Variants in ME3 observed in about 807,000 individuals in gnomAD.
The protein encoded by ME3 is NADP-dependent malic enzyme, mitochondrial.
Under a neutral mutation model 68.9 loss-of-function variants are expected in ME3, and 48 were observed. That is an observed-to-expected ratio of 0.70 (90% CI 0.55 to 0.89). The LOEUF is 0.89. Ranked by LOEUF, ME3 falls within the 40% of genes least tolerant of loss-of-function variation. The pLI is 0.00. For missense variants in ME3, 675 were observed against 797.4 expected, an observed-to-expected ratio of 0.85 and a Z score of 1.85; for synonymous variants, 320 against 318.8, an observed-to-expected ratio of 1.00 and a Z score of -0.04.
chr11:86,642,290 T>A (rs981862868), intron 2 of ME3, among the ~76,000 whole-genome samples: 1 of 152,234 alleles, frequency 6.6e-6, no homozygotes, highest in Admixed American at 6.5e-5. Context: ...CTTGAGCCCT[T>A]ACAGGTGTGA....
chr11:86,532,669 G>T (rs766803836), intron 4 of ME3, among the ~76,000 whole-genome samples: 1 of 152,128 alleles, frequency 6.6e-6, no homozygotes, highest in African/African-American at 2.4e-5. Context: ...AATATCTTGA[G>T]ATAAATGAAA....
intron 2 of ME3, among the ~76,000 whole-genome samples, chr11:86,671,506 G>A (rs574132763): frequency 2.6e-5 from 4 of 152,214 alleles, no homozygotes; most frequent in Non-Finnish European, 5.9e-5. Flanking sequence ...CTGACCGCGA[G>A]GATCTAAACC....
At chr11:86,546,587 A>G (rs1956371379) in intron 4 of ME3, among the ~76,000 whole-genome samples, 1 of 152,262 alleles carries the variant, frequency 6.6e-6, no homozygotes. Flanking sequence ...ACTGGTCATT[A>G]GAGAAACGCA....
chr11:86,476,013 A>G (rs180941113), intron 7 of ME3, among the ~76,000 whole-genome samples: 102 of 152,072 alleles, frequency 6.7e-4, no homozygotes, highest in Admixed American at 3.2e-3. Flanking sequence ...GCTTTTCACA[A>G]TCTTTTAAAA....
chr11:86,527,057 A>G (rs1352147060), intron 4 of ME3, among the ~76,000 whole-genome samples: 1 of 152,222 alleles, frequency 6.6e-6, no homozygotes, highest in Non-Finnish European at 1.5e-5. Context: ...TCAGATGATC[A>G]AACTACTCTG....
intron 2 of ME3, among the ~76,000 whole-genome samples, chr11:86,654,125 A>G (rs1239678849): frequency 1.3e-5 from 2 of 152,094 alleles, no homozygotes; most frequent in East Asian, 1.9e-4. Flanking sequence ...ACCAAAAAAA[A>G]TCCAGGACCA....
intron 4 of ME3, among the ~76,000 whole-genome samples, chr11:86,517,824 G>T (rs1304398036): frequency 6.6e-6 from 1 of 152,204 alleles, no homozygotes; most frequent in Non-Finnish European, 1.5e-5. Flanking sequence ...CACATGGCAG[G>T]TACTCTATAA....
intron 4 of ME3, among the ~76,000 whole-genome samples, chr11:86,521,431 A>ATAATAATAATAATAATAATAATAAT (rs1555221577): frequency 4.5e-4 from 65 of 145,980 alleles, no homozygotes; most frequent in African/African-American, 5.9e-4. Context: ...AACAAAACAA[A>ATAATAATAATAATAATAATAATAAT]AATAATAATA....
At chr11:86,450,240 T>C in intron 9 of ME3, 61 bp downstream of exon 9, 2 of 1,507,538 alleles carry the variant, frequency 1.3e-6, no homozygotes, top group Non-Finnish European at 1.8e-6. Flanking sequence ...TTTTTTGGTA[T>C]GCTTCCACCC....
intron 4 of ME3, among the ~76,000 whole-genome samples, chr11:86,554,962 G>A (rs957190483): frequency 2.6e-5 from 4 of 152,174 alleles, no homozygotes; most frequent in Non-Finnish European, 5.9e-5. Flanking sequence ...ATTTTGAGGA[G>A]GCCAAGAAAG....
chr11:86,463,733 A>C (rs550509930), intron 8 of ME3, among the ~76,000 whole-genome samples: 11 of 152,356 alleles, frequency 7.2e-5, no homozygotes, highest in African/African-American at 1.9e-4. Flanking sequence ...AAATACAAAA[A>C]GTCGTCTATC....
chr11:86,648,688 G>C (rs1483177011), intron 2 of ME3, among the ~76,000 whole-genome samples: 1 of 152,144 alleles, frequency 6.6e-6, no homozygotes, highest in Non-Finnish European at 1.5e-5. Context: ...ACTACCATCA[G>C]AGAATACTAT....
chr11:86,624,866 GAGA>G (rs1446741108), intron 2 of ME3, among the ~76,000 whole-genome samples: 1 of 152,164 alleles, frequency 6.6e-6, no homozygotes, highest in Non-Finnish European at 1.5e-5. Context: ...ACTTTACTTG[GAGA>G]AGAACAGTAT....
intron 2 of ME3, among the ~76,000 whole-genome samples, chr11:86,636,986 CTGGACAAG>C (rs921908311): frequency 3.9e-5 from 6 of 152,148 alleles, no homozygotes; most frequent in Admixed American, 6.5e-5. Flanking sequence ...AGCCAAAGAT[CTGGACAAG>C]TGCGTTAAGA....
At chr11:86,559,651 C>T (rs1055555001) in intron 3 of ME3, 39 bp downstream of exon 3, 8 of 1,584,204 alleles carry the variant, frequency 5.0e-6, no homozygotes, top group Admixed American at 3.4e-5. Flanking sequence ...ACAGCTCAGC[C>T]CAAGGACCAG....
intron 7 of ME3, among the ~76,000 whole-genome samples, chr11:86,476,915 T>A (rs1169354050): frequency 6.6e-6 from 1 of 152,176 alleles, no homozygotes; most frequent in African/African-American, 2.4e-5. Flanking sequence ...TGAGGGACTG[T>A]GGACAGCAGT....
chr11:86,498,143 C>A lies in ME3; in HGVS notation c.544-19G>T. The A allele has an allele frequency of 6.2e-7, 1 of 1,601,702 alleles. No individual in the cohort carries two copies. Among genetic ancestry groups the A allele is most frequent in the Non-Finnish European group, 8.5e-7 (1 of 1,174,290 alleles). On this transcript the variant is annotated intron_variant, in intron 5 of 14. Coordinates refer to ENST00000543262, the Ensembl canonical transcript of ME3. ...CCACGGCCTGAAAAACAGCAGGGCA[C>A]CATCAATCAGGGACAGCACTTCCTG... is the stretch of plus-strand genomic sequence containing the variant.
At chr11:86,600,217 G>T (rs1272235398) in intron 2 of ME3, among the ~76,000 whole-genome samples, 3 of 151,976 alleles carry the variant, frequency 2.0e-5, no homozygotes, top group Non-Finnish European at 4.4e-5. Flanking sequence ...CATCTCACGT[G>T]CAGAGACACA....
intron 2 of ME3, among the ~76,000 whole-genome samples, chr11:86,585,817 G>A (rs750901091): frequency 6.7e-6 from 1 of 150,314 alleles, no homozygotes; most frequent in Non-Finnish European, 1.5e-5. Flanking sequence ...GCTTTTTAAG[G>A]CTGGATAAAG....
Sources: allele counts gnomAD v4.1 joint callset (sites outside exome capture counted in the v4.1 genomes callset), GRCh38; gene constraint gnomAD v4.1.1; transcripts MANE v1.5; gene names NCBI Gene and HGNC (gene_info 2026-07-23, HGNC 2026-07-21).